WDFY3: variants seen among roughly 807,000 people sequenced by gnomAD.
The protein encoded by WDFY3 is WD repeat and FYVE domain-containing protein 3.
WDFY3 carries 66 observed loss-of-function variants against 409.6 expected under a neutral mutation model. The ratio of observed to expected loss-of-function variants is 0.16; its 90% CI spans 0.13 to 0.20. The LOEUF is 0.20. Ranked by LOEUF, WDFY3 falls within the 10% of genes least tolerant of loss-of-function variation. WDFY3 has a pLI of 1.00. For missense variants in WDFY3, 3,031 were observed against 4,298.1 expected (o/e 0.71, Z 8.24); for synonymous variants, 1,521 against 1,537.1 (o/e 0.99, Z 0.25).
At chr4:84,744,068 ATTATATTG>A in intron 36 of WDFY3, among the ~76,000 whole-genome samples, 1 of 148,234 alleles carries the variant, frequency 6.7e-6, no homozygotes, top group Admixed American at 6.8e-5. Flanking sequence ...CATTATATTT[ATTATATTG>A]TTATAGTTTA....
chr4:84,830,871 T>C (rs559809100), intron 8 of WDFY3, among the ~76,000 whole-genome samples: 1 of 152,132 alleles, frequency 6.6e-6, no homozygotes, highest in Non-Finnish European at 1.5e-5. Context: ...TACACAACAA[T>C]GAAATTTTTT....
At chr4:84,810,458 C>G in intron 13 of WDFY3, 114 bp from the exon 14 acceptor site, 1 of 938,858 alleles carries the variant, frequency 1.1e-6, no homozygotes, top group Non-Finnish European at 1.5e-6. Context: ...ATGTTTTTAT[C>G]ATTTACCCAA....
At chr4:84,880,108 AGGAGTCAG>A (rs1763286793) in intron 3 of WDFY3, among the ~76,000 whole-genome samples, 1 of 152,168 alleles carries the variant, frequency 6.6e-6, no homozygotes, top group Admixed American at 6.5e-5. Context: ...ATCACAAAGA[AGGAGTCAG>A]GAGAGAGAAG....
chr4:84,948,035 GT>G, intron 1 of WDFY3, among the ~76,000 whole-genome samples: 1 of 151,752 alleles, frequency 6.6e-6, no homozygotes, highest in Middle Eastern at 3.4e-3. Flanking sequence ...CCTCAAGCTA[GT>G]AAGTGTCAAC....
At chr4:84,800,399 G>T (rs906374463) in intron 17 of WDFY3, among the ~76,000 whole-genome samples, 2 of 152,046 alleles carry the variant, frequency 1.3e-5, no homozygotes, top group South Asian at 4.2e-4. Flanking sequence ...GCTTCCTGGA[G>T]GAAATGACAG....
intron 3 of WDFY3, among the ~76,000 whole-genome samples, chr4:84,864,890 C>CTT (rs35738821): frequency 1.3e-5 from 2 of 149,980 alleles, no homozygotes; most frequent in South Asian, 2.1e-4. Context: ...ATACATAAAT[C>CTT]TTTTTTTTTT....
rs369855618 is a variant in WDFY3 at position 84,691,788 on chromosome 4, A to G, written c.9050-3T>C. On this transcript the variant is annotated splice_region_variant and splice_polypyrimidine_tract_variant and intron_variant, in intron 59 of 67. Transcript: ENST00000295888. ...TTGTCCTACAGGTTCTTTGAGTTCT[A>G]GAAAAAAGAAATCATGGTATTAGGA... is the stretch of plus-strand genomic sequence containing the variant. The G allele has an allele frequency of 4.4e-5, 70 of 1,605,020 alleles. No individual in the cohort carries two copies. The highest frequency in any genetic ancestry group is 3.6e-4 in the Admixed American group (21 of 59,058).
At chr4:84,861,433 T>A in intron 3 of WDFY3, among the ~76,000 whole-genome samples, 1 of 152,166 alleles carries the variant, frequency 6.6e-6, no homozygotes, top group East Asian at 1.9e-4. Context: ...TTTGAGTACA[T>A]GAAGAATAGT....
In WDFY3 at chr4:84,794,777, T is replaced by C. The variant is rs188203770; in HGVS notation, c.3269-40A>G. On this transcript the variant is annotated intron_variant, in intron 20 of 67. Coordinates refer to ENST00000295888, the MANE Select transcript of WDFY3 (RefSeq NM_014991.6). ...AAAAAAAAAAGTCTGTGTTGATTAA[T>C]ATTTATATTTTTTAAAAGATGCCAA... 2.0e-6 allele frequency: 3 copies of C among 1,533,812 alleles called. No individual in the cohort carries two copies. In the African/African-American group the frequency reaches 4.3e-5, roughly 22 times the overall value.
chr4:84,685,056 CA>C (rs1728070716), intron 62 of WDFY3, among the ~76,000 whole-genome samples: 1 of 152,166 alleles, frequency 6.6e-6, no homozygotes, highest in African/African-American at 2.4e-5. Flanking sequence ...TCTATAGCGC[CA>C]AAGCTTATAT....
chr4:84,770,609 GCTAA>G (rs1744515192), intron 30 of WDFY3, among the ~76,000 whole-genome samples: 1 of 152,096 alleles, frequency 6.6e-6, no homozygotes, highest in South Asian at 2.1e-4. Context: ...CCTTTAAAAT[GCTAA>G]CTTAGTACCT....
intron 1 of WDFY3, among the ~76,000 whole-genome samples, chr4:84,939,309 T>C (rs1188873674): frequency 6.6e-6 from 1 of 152,196 alleles, no homozygotes; most frequent in Admixed American, 6.5e-5. Flanking sequence ...CAGGGTGTCC[T>C]ATCTGGAGTC....
In WDFY3 at chr4:84,940,571, G is replaced by A. The variant is rs537621031; in HGVS notation, c.-225-8208C>T. ...TAAAGTCAAGCATATATATGTATGT[G>A]TTATTTTCCCTTTTTTCTTACATAA... On this transcript the variant is annotated intron_variant, in intron 1 of 67. Transcript: ENST00000295888. Among the ~76,000 whole-genome samples, 5 of 152,042 alleles carry A rather than the reference G, an allele frequency of 3.3e-5. No homozygotes were observed. In the East Asian group the frequency reaches 9.7e-4, roughly 29 times the overall value.
chr4:84,775,385 T>C (rs993441121), intron 27 of WDFY3, among the ~76,000 whole-genome samples: 1 of 151,916 alleles, frequency 6.6e-6, no homozygotes, highest in African/African-American at 2.4e-5. Context: ...AAAGAATGTA[T>C]TGAAAAACAT....
intron 44 of WDFY3, among the ~76,000 whole-genome samples, chr4:84,729,969 C>T (rs1202383367): frequency 6.6e-6 from 1 of 151,988 alleles, no homozygotes; most frequent in East Asian, 1.9e-4. Flanking sequence ...AACATGCATG[C>T]AAGGAGGGCA....
chr4:84,751,998 GAAT>G (rs1370655201), intron 35 of WDFY3, among the ~76,000 whole-genome samples: 2 of 151,908 alleles, frequency 1.3e-5, no homozygotes, highest in Non-Finnish European at 2.9e-5. Context: ...AAAATATATG[GAAT>G]AATAAAATTA....
intron 53 of WDFY3, among the ~76,000 whole-genome samples, chr4:84,706,439 G>C (rs1201780120): frequency 6.6e-6 from 1 of 151,600 alleles, no homozygotes; most frequent in East Asian, 1.9e-4. Context: ...TGAGAGTTGA[G>C]AGAGACATAA....
chr4:84,831,751 C>G (rs1755771318), intron 7 of WDFY3, 146 bp from the exon 8 acceptor site: 1 of 665,514 alleles, frequency 1.5e-6, no homozygotes, highest in South Asian at 2.3e-5. Flanking sequence ...CTCAACATCA[C>G]TAATCATCAG....
intron 17 of WDFY3, among the ~76,000 whole-genome samples, chr4:84,801,432 T>C (rs1264764947): frequency 6.6e-6 from 1 of 152,212 alleles, no homozygotes; most frequent in East Asian, 1.9e-4. Flanking sequence ...TAGATTCAAA[T>C]GAAAGAAATA....
Sources: allele counts gnomAD v4.1 joint callset (sites outside exome capture counted in the v4.1 genomes callset), GRCh38; gene constraint gnomAD v4.1.1; transcripts MANE v1.5; gene names NCBI Gene and HGNC (gene_info 2026-07-23, HGNC 2026-07-21).